Variants in CBL observed in about 807,000 individuals in gnomAD.
CBL encodes Cbl proto-oncogene, also known as E3 ubiquitin-protein ligase CBL.
Under a neutral mutation model 96.9 loss-of-function variants are expected in CBL, and 45 were observed. That is an observed-to-expected ratio of 0.46 (90% CI 0.37 to 0.60). CBL has a LOEUF of 0.60. Ranked by LOEUF, CBL falls within the 20% of genes least tolerant of loss-of-function variation. CBL has a pLI of 0.00. For missense variants in CBL, 1,024 were observed against 1,143.5 expected (o/e 0.90, Z 1.51); for synonymous variants, 420 against 426.8 (o/e 0.98, Z 0.20).
At chr11:119,215,428 A>ATTTTTTT (rs542002208) in intron 1 of CBL, among the ~76,000 whole-genome samples, 2 of 133,718 alleles carry the variant, frequency 1.5e-5, no homozygotes, top group Non-Finnish European at 1.5e-5. Context: ...AAACAGCCTA[A>ATTTTTTT]ATTTTTTTTT....
chr11:119,264,708 G>T (rs1482393244), intron 2 of CBL, among the ~76,000 whole-genome samples: 1 of 149,366 alleles, frequency 6.7e-6, no homozygotes, highest in Non-Finnish European at 1.5e-5. Flanking sequence ...TCTCGAACTT[G>T]TGAGCTCAAG....
At chr11:119,225,096 G>GTATT (rs1389442552) in intron 1 of CBL, among the ~76,000 whole-genome samples, 5 of 150,418 alleles carry the variant, frequency 3.3e-5, no homozygotes, top group Admixed American at 1.3e-4. Context: ...ATGTATGCAT[G>GTATT]TATTTATTTA....
intron 2 of CBL, among the ~76,000 whole-genome samples, chr11:119,245,902 G>A (rs1014653252): frequency 7.2e-6 from 1 of 139,182 alleles, no homozygotes; most frequent in East Asian, 2.1e-4. Context: ...CTAGTCTTTG[G>A]TATTTTGTTA....
intron 1 of CBL, among the ~76,000 whole-genome samples, chr11:119,225,202 T>A (rs1949448564): frequency 2.0e-5 from 3 of 152,064 alleles, no homozygotes; most frequent in African/African-American, 7.2e-5. Context: ...GTTCATGCAA[T>A]TCTCCTGTCT....
chr11:119,286,583 G>A (rs1592406204), intron 11 of CBL, among the ~76,000 whole-genome samples: 2 of 152,112 alleles, frequency 1.3e-5, no homozygotes, highest in East Asian at 3.9e-4. Context: ...GTTATTTTAA[G>A]TAGAGCAGAA....
chr11:119,239,269 C>G (rs1949567831), intron 2 of CBL, among the ~76,000 whole-genome samples: 1 of 152,168 alleles, frequency 6.6e-6, no homozygotes, highest in South Asian at 2.1e-4. Context: ...CCTTGCCTGG[C>G]CTTACTTATA....
At chr11:119,297,619 G>A (rs573720955) in intron 14 of CBL, 138 bp downstream of exon 14, 64 of 711,046 alleles carry the variant, frequency 9.0e-5, no homozygotes, top group African/African-American at 8.0e-4. Context: ...CACCATGCCC[G>A]GCTAATTTTT....
intron 2 of CBL, among the ~76,000 whole-genome samples, chr11:119,265,755 G>A (rs1949797434): frequency 6.6e-6 from 1 of 152,114 alleles, no homozygotes; most frequent in Non-Finnish European, 1.5e-5. Flanking sequence ...GGGCGCAGTG[G>A]CTCACGCCTG....
At chr11:119,297,258 C>A in intron 13 of CBL, 126 bp from the exon 14 acceptor site, 1 of 833,856 alleles carries the variant, frequency 1.2e-6, no homozygotes. Flanking sequence ...ACACCTATAA[C>A]TTGCCACAAG....
chr11:119,213,310 T>G (rs376250062), intron 1 of CBL, among the ~76,000 whole-genome samples: 4 of 152,314 alleles, frequency 2.6e-5, no homozygotes, highest in Admixed American at 6.5e-5. Flanking sequence ...CCCTTCCTTC[T>G]TACCTTCCTG....
At chr11:119,213,879 G>A (rs1949337303) in intron 1 of CBL, among the ~76,000 whole-genome samples, 1 of 151,780 alleles carries the variant, frequency 6.6e-6, no homozygotes, top group African/African-American at 2.4e-5. Flanking sequence ...ACTAGTAGTT[G>A]GCTTTGTGTG....
At chr11:119,249,654 C>G (rs1949656544) in intron 2 of CBL, among the ~76,000 whole-genome samples, 1 of 78,672 alleles carries the variant, frequency 1.3e-5, no homozygotes, top group Non-Finnish European at 2.8e-5. Context: ...GGTACAGTTT[C>G]TTTCTTTCTT....
At chr11:119,250,923 C>G (rs1038721340) in intron 2 of CBL, among the ~76,000 whole-genome samples, 3 of 152,018 alleles carry the variant, frequency 2.0e-5, no homozygotes, top group African/African-American at 7.3e-5. Flanking sequence ...TGCACTACAG[C>G]CTGGGTAACA....
intron 7 of CBL, 72 bp from the exon 8 acceptor site, chr11:119,278,094 A>G: frequency 7.7e-7 from 1 of 1,291,850 alleles, no homozygotes; most frequent in Non-Finnish European, 1.1e-6. Context: ...ACAAGTCTTC[A>G]CTTTTTCTGT....
At chr11:119,233,042 C>T (rs1489239202) in intron 2 of CBL, among the ~76,000 whole-genome samples, 3 of 151,836 alleles carry the variant, frequency 2.0e-5, no homozygotes, top group African/African-American at 4.8e-5. Context: ...AATAAGAGGC[C>T]GATCTTGCCA....
chr11:119,250,333 C>T (rs756844745), intron 2 of CBL, among the ~76,000 whole-genome samples: 14 of 152,108 alleles, frequency 9.2e-5, no homozygotes, highest in Non-Finnish European at 1.9e-4. Context: ...GTGGTTCTTT[C>T]CCTAGCTTCA....
Position 119,299,721 on chromosome 11 carries a change from G to A in CBL, c.2661G>A (p.Met887Ile). The A allele has an allele frequency of 6.2e-7, 1 of 1,614,170 alleles. No homozygotes were observed. Among genetic ancestry groups the A allele is most frequent in the Non-Finnish European group, 8.5e-7 (1 of 1,180,026 alleles). ...TCATTGCCCAGAACAACATCGAGAT[G>A]GCCAAAAACATCCTCCGGGAATTTG... The part of the protein sequence containing the change: ...ALVIAQNNIE[M>I]AKNILREFVS... Residue 887 changes from methionine (M) to isoleucine (I), a missense_variant, in exon 16 of 16, where the codon ATG (methionine) becomes ATA (isoleucine). By Grantham distance (10) the Met-to-Ile change is conservative. This residue lies in a region of CBL where 23 missense variants were observed against 42.7 expected (regional missense o/e 0.54). Coordinates refer to ENST00000264033, the MANE Select transcript of CBL (RefSeq NM_005188.4).
At chr11:119,218,786 G>T (rs887241350) in intron 1 of CBL, among the ~76,000 whole-genome samples, 2 of 152,168 alleles carry the variant, frequency 1.3e-5, no homozygotes, top group Non-Finnish European at 2.9e-5. Flanking sequence ...GAGTAATGAT[G>T]TCGGCATTTT....
At chr11:119,225,948 CA>C (rs1192005471) in intron 1 of CBL, among the ~76,000 whole-genome samples, 2 of 152,024 alleles carry the variant, frequency 1.3e-5, no homozygotes, top group Admixed American at 6.6e-5. Flanking sequence ...AGGCTGGTCT[CA>C]AACTCCTGAC....
Sources: allele counts gnomAD v4.1 joint callset (sites outside exome capture counted in the v4.1 genomes callset), GRCh38; gene constraint gnomAD v4.1.1; regional missense constraint gnomAD v4.1.1; transcripts MANE v1.5; gene names NCBI Gene and HGNC (gene_info 2026-07-23, HGNC 2026-07-21).